Variants in PLEKHM3 observed in about 807,000 individuals in gnomAD.
PLEKHM3 encodes the protein pleckstrin homology domain-containing family M member 3.
A neutral mutation model predicts 81.8 loss-of-function variants in PLEKHM3; 45 were observed. The ratio of observed to expected loss-of-function variants is 0.55; its 90% confidence interval spans 0.43 to 0.71. The LOEUF is 0.71. Among genes scored for constraint, PLEKHM3 ranks in the 30% least tolerant of loss-of-function variants. The pLI is 0.00. For synonymous variants in PLEKHM3, 352 were observed against 356.4 expected, an observed-to-expected ratio of 0.99 and a Z score of 0.14; for missense variants, 788 against 924.3, an observed-to-expected ratio of 0.85 and a Z score of 1.91.
At chr2:207,916,732 A>G (rs1689004383) in intron 5 of PLEKHM3, among the ~76,000 whole-genome samples, 1 of 152,170 alleles carries the variant, frequency 6.6e-6, no homozygotes, top group Non-Finnish European at 1.5e-5. Context: ...CAGGTGACAG[A>G]GTGAGACTTC....
At chr2:207,938,408 A>C (rs1441887535) in intron 4 of PLEKHM3, among the ~76,000 whole-genome samples, 1 of 152,210 alleles carries the variant, frequency 6.6e-6, no homozygotes, top group African/African-American at 2.4e-5. Context: ...TTAAGATGAC[A>C]GATTTCATTC....
At chr2:207,867,781 C>T (rs953726205) in intron 6 of PLEKHM3, among the ~76,000 whole-genome samples, 2 of 151,836 alleles carry the variant, frequency 1.3e-5, no homozygotes, top group South Asian at 4.2e-4. Flanking sequence ...ATTGTCTTTC[C>T]TCCCACCATC....
intron 3 of PLEKHM3, among the ~76,000 whole-genome samples, chr2:207,951,782 A>G (rs1272830316): frequency 6.6e-6 from 1 of 152,224 alleles, no homozygotes; most frequent in African/African-American, 2.4e-5. Flanking sequence ...AAGTGTACCT[A>G]GTTAACTCAA....
Position 208,001,813 on chromosome 2 carries a change from A to T in PLEKHM3, c.-174T>A. ...CCAAAGTGGTTGATGTTTTCCTGGTAATTAAAAGCATTTGCTAGTGGCTAA... is the reference window on the plus strand; with the variant it reads ...CCAAAGTGGTTGATGTTTTCCTGGTTATTAAAAGCATTTGCTAGTGGCTAA... On this transcript the variant is annotated 5_prime_UTR_variant, in exon 2 of 8. Coordinates refer to ENST00000427836, the MANE Select transcript of PLEKHM3 (RefSeq NM_001080475.3). The T allele has an allele frequency of 9.6e-7, 1 of 1,046,172 alleles. No homozygotes were observed. The allele number at this position is 1,046,172 out of a possible 1,614,324, so 64.8% of individuals were successfully genotyped here. A position where few individuals can be genotyped will look rare whatever the true frequency, so the allele number is the denominator to read the frequency against.
intron 2 of PLEKHM3, among the ~76,000 whole-genome samples, chr2:207,994,937 A>G (rs1692021260): frequency 6.6e-6 from 1 of 152,180 alleles, no homozygotes; most frequent in Admixed American, 6.5e-5. Context: ...CAATCTCCCA[A>G]GTAAGACAGT....
chr2:207,963,180 G>A lies in PLEKHM3; in HGVS notation c.1546+13471C>T, dbSNP rs1183618573. Among the ~76,000 whole-genome samples, 3 of 152,178 alleles carry A rather than the reference G, an allele frequency of 2.0e-5. No individual in the cohort carries two copies. In the South Asian group the frequency reaches 6.2e-4, roughly 32 times the overall value. Reference sequence around the variant, plus strand: ...AAAGTAACATTTACGTTAGTGGCCTGAAGAATGAGCTGGGGGTCGTGCTGG... The same window carrying A: ...AAAGTAACATTTACGTTAGTGGCCTAAAGAATGAGCTGGGGGTCGTGCTGG... On this transcript the variant is annotated intron_variant, in intron 3 of 7. Coordinates refer to ENST00000427836, the MANE Select transcript of PLEKHM3 (RefSeq NM_001080475.3).
Position 207,823,703 on chromosome 2 carries a change from G to A in PLEKHM3, c.*4616C>T, listed in dbSNP as rs1575254451. ...ATCTGCCTGCCTTGGCCTCCCAAAG[G>A]GCTGGGATTACAGGCGTGAGCCACC... On this transcript the variant is annotated 3_prime_UTR_variant, in exon 8 of 8. Coordinates refer to ENST00000427836, the MANE Select transcript of PLEKHM3 (RefSeq NM_001080475.3). 6.6e-6 allele frequency: 1 copy of A among 152,288 alleles called. No homozygotes were observed. The highest frequency in any genetic ancestry group is 2.4e-5 in the African/African-American group (1 of 41,440). The allele number at this position is 152,288 out of a possible 1,614,324, so 9.4% of individuals were successfully genotyped here.
At chr2:208,007,052 T>C (rs1692516810) in intron 1 of PLEKHM3, among the ~76,000 whole-genome samples, 1 of 152,226 alleles carries the variant, frequency 6.6e-6, no homozygotes, top group Non-Finnish European at 1.5e-5. Flanking sequence ...TGTGTCCTCC[T>C]GAGCTGGACG....
At chr2:207,924,451 G>C (rs957385850) in intron 5 of PLEKHM3, among the ~76,000 whole-genome samples, 1 of 151,956 alleles carries the variant, frequency 6.6e-6, no homozygotes, top group East Asian at 2.0e-4. Flanking sequence ...TGGGGACGCC[G>C]AGGCAGGTGG....
intron 1 of PLEKHM3, among the ~76,000 whole-genome samples, chr2:208,009,702 T>C (rs1692622638): frequency 6.6e-6 from 1 of 152,194 alleles, no homozygotes. Context: ...TAACTCTCAC[T>C]GGGCCTAGAA....
At chr2:207,906,989 A>G (rs1050021070) in intron 6 of PLEKHM3, among the ~76,000 whole-genome samples, 1 of 152,192 alleles carries the variant, frequency 6.6e-6, no homozygotes, top group Non-Finnish European at 1.5e-5. Context: ...AACAACAACG[A>G]AAGAACAGAA....
intron 7 of PLEKHM3, among the ~76,000 whole-genome samples, chr2:207,835,745 A>C (rs2092315303): frequency 1.3e-5 from 2 of 152,312 alleles, no homozygotes; most frequent in South Asian, 4.1e-4. Flanking sequence ...AAAGGAGCTG[A>C]GTTTGCCCCT....
chr2:207,947,883 GA>G (rs1690188335), intron 3 of PLEKHM3, among the ~76,000 whole-genome samples: 2 of 152,130 alleles, frequency 1.3e-5, no homozygotes, highest in South Asian at 4.1e-4. Flanking sequence ...AGACTCAACA[GA>G]ACTTTCATTT....
chr2:207,835,875 G>T (rs4675718), intron 7 of PLEKHM3, among the ~76,000 whole-genome samples: 100,598 of 151,724 alleles, frequency 0.66, 33,860 homozygotes, highest in African/African-American at 0.76. Flanking sequence ...CAAGTTTTTT[G>T]GGGGGATGGG....
chr2:207,833,027 G>A (rs1200043272), intron 7 of PLEKHM3, among the ~76,000 whole-genome samples: 1 of 148,556 alleles, frequency 6.7e-6, no homozygotes, highest in Non-Finnish European at 1.5e-5. Context: ...CACGAGAATC[G>A]CTGAAACCCA....
chr2:207,906,784 CAAATAAAT>C (rs138131382), intron 6 of PLEKHM3, among the ~76,000 whole-genome samples: 1 of 151,542 alleles, frequency 6.6e-6, no homozygotes, highest in African/African-American at 2.4e-5. Flanking sequence ...GCGAGACTGT[CAAATAAAT>C]AAATAAATAA....
At chr2:207,899,700 A>G (rs1024075437) in intron 6 of PLEKHM3, among the ~76,000 whole-genome samples, 4 of 152,184 alleles carry the variant, frequency 2.6e-5, no homozygotes, top group African/African-American at 7.2e-5. Flanking sequence ...TACTCATTCT[A>G]CGAATGTTTT....
chr2:207,923,905 A>ATATATATATTTTTTTTTTT (rs1396762429), intron 5 of PLEKHM3, among the ~76,000 whole-genome samples: 1 of 28,348 alleles, frequency 3.5e-5, no homozygotes, highest in Non-Finnish European at 6.4e-5. Flanking sequence ...ATATATATAT[A>ATATATATATTTTTTTTTTT]TTTTTTTTTT....
chr2:207,900,149 G>A (rs1688370126), intron 6 of PLEKHM3: 1 of 152,162 alleles, frequency 6.6e-6, no homozygotes, highest in Non-Finnish European at 1.5e-5. Context: ...AATATCTGCA[G>A]CCTCATCTCT....
Sources: allele counts gnomAD v4.1 joint callset (sites outside exome capture counted in the v4.1 genomes callset), GRCh38; gene constraint gnomAD v4.1.1; transcripts MANE v1.5; gene names NCBI Gene and HGNC (gene_info 2026-07-23, HGNC 2026-07-21).